LRRK2: variants seen among roughly 807,000 people sequenced by gnomAD.
LRRK2 encodes the protein leucine-rich repeat serine/threonine-protein kinase 2.
A neutral mutation model predicts 302.6 loss-of-function variants in LRRK2; 203 were observed. That is an observed-to-expected ratio of 0.67 (90% CI 0.60 to 0.75). LRRK2 has a LOEUF of 0.75. Among genes scored for constraint, LRRK2 ranks in the 30% least tolerant of loss-of-function variants. LRRK2 has a pLI of 0.00. For synonymous variants in LRRK2, 1,066 were observed against 1,031.9 expected (o/e 1.03, Z -0.63); for missense variants, 2,830 against 2,951.0 (o/e 0.96, Z 0.95).
At chr12:40,273,067 A>G (rs574073333) in intron 14 of LRRK2, among the ~76,000 whole-genome samples, 3 of 152,178 alleles carry the variant, frequency 2.0e-5, no homozygotes, top group Non-Finnish European at 4.4e-5. Context: ...CATGCTTATA[A>G]CAACCCTACA....
intron 2 of LRRK2, 76 bp downstream of exon 2, chr12:40,225,716 A>T: frequency 7.7e-7 from 1 of 1,305,888 alleles, no homozygotes; most frequent in Non-Finnish European, 1.1e-6. Context: ...ATGTTAATAT[A>T]GCCGAGAGTT....
chr12:40,280,768 C>T (rs1592214149), intron 18 of LRRK2, among the ~76,000 whole-genome samples: 3 of 152,082 alleles, frequency 2.0e-5, no homozygotes, highest in South Asian at 4.2e-4. Flanking sequence ...GAGGGAGACT[C>T]TGTCTCAAAA....
intron 25 of LRRK2, among the ~76,000 whole-genome samples, chr12:40,301,501 C>A (rs1481315601): frequency 6.6e-6 from 1 of 152,094 alleles, no homozygotes; most frequent in Non-Finnish European, 1.5e-5. Context: ...TTCCATACAG[C>A]ATATGAAACT....
intron 16 of LRRK2, 58 bp downstream of exon 16, chr12:40,275,051 A>G (rs900563363): frequency 2.5e-6 from 4 of 1,593,596 alleles, no homozygotes; most frequent in African/African-American, 2.7e-5. Context: ...CTTTTGGAGC[A>G]GTTTGTGTAA....
At chr12:40,314,594 G>A (rs1388424094) in intron 32 of LRRK2, among the ~76,000 whole-genome samples, 2 of 152,006 alleles carry the variant, frequency 1.3e-5, no homozygotes, top group Non-Finnish European at 2.9e-5. Context: ...AGAGTCAATG[G>A]CTCCCTGAGA....
At chr12:40,231,110 A>C (rs1048254032) in intron 2 of LRRK2, among the ~76,000 whole-genome samples, 2 of 152,058 alleles carry the variant, frequency 1.3e-5, no homozygotes, top group African/African-American at 4.8e-5. Flanking sequence ...TTCTAGCTTC[A>C]TTACTTGGGG....
At chr12:40,362,986 G>A (rs546558613) in intron 47 of LRRK2, among the ~76,000 whole-genome samples, 3 of 151,826 alleles carry the variant, frequency 2.0e-5, no homozygotes, top group Non-Finnish European at 4.4e-5. Flanking sequence ...TATAACTCTA[G>A]GTATAAAAGG....
At chr12:40,283,070 G>GT (rs1405348690) in intron 18 of LRRK2, among the ~76,000 whole-genome samples, 2 of 152,112 alleles carry the variant, frequency 1.3e-5, no homozygotes, top group Non-Finnish European at 2.9e-5. Flanking sequence ...AATCATGTGT[G>GT]TACAGAATTT....
At chr12:40,363,690 T>G (rs1330053896) in intron 48 of LRRK2, 136 bp downstream of exon 48, 2 of 877,988 alleles carry the variant, frequency 2.3e-6, no homozygotes, top group African/African-American at 1.7e-5. Flanking sequence ...TTTGTAATGC[T>G]TCTCAGCACC....
chr12:40,236,242 G>C (rs947189674), intron 4 of LRRK2, among the ~76,000 whole-genome samples: 2 of 152,088 alleles, frequency 1.3e-5, no homozygotes, highest in African/African-American at 4.8e-5. Context: ...TAGATGCCAG[G>C]CTTCACAAGT....
At chr12:40,301,463 G>A (rs1171138197) in intron 25 of LRRK2, among the ~76,000 whole-genome samples, 2 of 152,024 alleles carry the variant, frequency 1.3e-5, no homozygotes, top group South Asian at 2.1e-4. Flanking sequence ...GTAAAATAAA[G>A]TTTTAGTTCT....
At chr12:40,364,796 C>A in intron 48 of LRRK2, 46 bp from the exon 49 acceptor site, 1 of 1,359,754 alleles carries the variant, frequency 7.4e-7, no homozygotes, top group Non-Finnish European at 1.0e-6. Flanking sequence ...TAGCATTTAT[C>A]TCTTAATTGG....
chr12:40,283,590 A>T (rs1943795903), intron 18 of LRRK2, among the ~76,000 whole-genome samples: 1 of 152,208 alleles, frequency 6.6e-6, no homozygotes, highest in Non-Finnish European at 1.5e-5. Context: ...CTGGATGTAA[A>T]CAGAGATCTT....
intron 14 of LRRK2, among the ~76,000 whole-genome samples, chr12:40,264,658 T>G (rs1942930555): frequency 1.3e-5 from 2 of 152,088 alleles, no homozygotes; most frequent in African/African-American, 4.8e-5. Context: ...AACAGTAAAG[T>G]CTTCTTTGAT....
At chr12:40,351,504 A>G (rs1477706543) in intron 43 of LRRK2, 35 bp from the exon 44 acceptor site, 3 of 1,599,972 alleles carry the variant, frequency 1.9e-6, no homozygotes, top group Non-Finnish European at 2.6e-6. Context: ...AGTTAACTCG[A>G]TAAGTACTGT....
chr12:40,235,667 A>G lies in LRRK2; in HGVS notation c.389A>G (p.Asn130Ser), dbSNP rs1438155660. The G allele has an allele frequency of 6.2e-7, 1 of 1,610,276 alleles. No individual in the cohort carries two copies. Among genetic ancestry groups the G allele is most frequent in the East Asian group, 2.2e-5 (1 of 44,814 alleles). Residue 130 changes from asparagine (N) to serine (S), a missense_variant, in exon 4 of 51, where the codon AAC becomes AGC. This residue lies in a region of LRRK2 where 2,121 missense variants were observed against 2,148.0 expected (regional missense o/e 0.99). Coordinates refer to ENST00000298910, the MANE Select transcript of LRRK2 (RefSeq NM_198578.4). ...CTAACAGTTCATAATGCCAGTGTAA[A>G]CTTGTCAGTGATTGGACTGAAGACC... ...KMLTVHNASV[N>S]LSVIGLKTLD...
chr12:40,314,286 T>C, intron 32 of LRRK2, 113 bp downstream of exon 32: 2 of 1,045,536 alleles, frequency 1.9e-6, no homozygotes, highest in Non-Finnish European at 2.9e-6. Flanking sequence ...CATACGGTTC[T>C]TTAATAGGCC....
rs200705669 is a variant in LRRK2 at position 40,298,406 on chromosome 12, A to T, written c.3260A>T (p.Gln1087Leu). Residue 1087 changes from glutamine (Q) to leucine (L), a missense_variant, in exon 24 of 51, where the codon CAG (glutamine) becomes CTG (leucine). This residue lies in a region of LRRK2 where 2,121 missense variants were observed against 2,148.0 expected (regional missense o/e 0.99). Coordinates refer to ENST00000298910, the MANE Select transcript of LRRK2 (RefSeq NM_198578.4). ...DPTVKCPTLK[Q>L]FNLSYNQLSF... ...ACAGTGAAATGTCCAACTCTGAAAC[A>T]GTTTAACCTGTCATATAACCAGCTG... 6.2e-7 allele frequency: 1 copy of T among 1,613,962 alleles called. No individual in the cohort carries two copies. Among genetic ancestry groups the T allele is most frequent in the Non-Finnish European group, 8.5e-7 (1 of 1,179,966 alleles).
chr12:40,232,852 A>C (rs1348381893), intron 3 of LRRK2: 1 of 152,660 alleles, frequency 6.6e-6, no homozygotes, highest in Non-Finnish European at 1.5e-5. Context: ...AGTTTAAACT[A>C]TGGCTTTCAG....
Sources: gnomAD v4.1 joint callset for allele counts (sites outside exome capture counted in the v4.1 genomes callset) on GRCh38, gnomAD v4.1.1 for gene constraint, gnomAD v4.1.1 regional missense constraint, MANE v1.5 for transcripts, NCBI Gene and HGNC (gene_info 2026-07-23, HGNC 2026-07-21) for gene names.